Variants in SENP1 observed in about 807,000 individuals in gnomAD.
SENP1 encodes SUMO specific peptidase 1.
In SENP1, 21 loss-of-function variants were observed where a neutral mutation model predicts 93.0. The observed-to-expected ratio is 0.23, with a 90% confidence interval of 0.16 to 0.33. The LOEUF is 0.33. Ranked by LOEUF, SENP1 falls within the 10% of genes least tolerant of loss-of-function variation. The pLI is 1.00. For synonymous variants in SENP1, 256 were observed against 259.6 expected, an observed-to-expected ratio of 0.99 and a Z score of 0.13; for missense variants, 591 against 758.7, an observed-to-expected ratio of 0.78 and a Z score of 2.60.
intron 9 of SENP1, among the ~76,000 whole-genome samples, chr12:48,069,195 AG>A (rs1430514548): frequency 1.3e-5 from 2 of 151,360 alleles, no homozygotes; most frequent in Admixed American, 1.3e-4. Context: ...AAGAAAAGGA[AG>A]CAAAATAAGA....
At chr12:48,065,378 G>A (rs779663119) in intron 11 of SENP1, among the ~76,000 whole-genome samples, 158 bp from the exon 12 acceptor site, 3 of 152,056 alleles carry the variant, frequency 2.0e-5, no homozygotes, top group South Asian at 4.1e-4. Flanking sequence ...ATCATTAGTC[G>A]AACCATCACA....
chr12:48,075,782 G>A (rs1372228028), intron 6 of SENP1, among the ~76,000 whole-genome samples: 1 of 152,136 alleles, frequency 6.6e-6, no homozygotes, highest in African/African-American at 2.4e-5. Context: ...CAGGTAGTAT[G>A]CAGAAAATTA....
At chr12:48,105,513 T>C in intron 1 of SENP1, 1 of 519,022 alleles carries the variant, frequency 1.9e-6, no homozygotes, top group South Asian at 1.4e-5. Flanking sequence ...ATATCACATC[T>C]CAGGGAGATA....
rs142534776 is a variant in SENP1, at chr12:48,061,990, A to C, written c.1407+1720T>G. Among the ~76,000 whole-genome samples the C allele has an allele frequency of 1.2e-4, 18 of 152,278 alleles. No homozygotes were observed. The East Asian group carries it at 3.5e-3, about 29-fold the overall frequency. On this transcript the variant is annotated intron_variant, in intron 13 of 17. Coordinates refer to ENST00000549518, the MANE Select transcript of SENP1 (RefSeq NM_001267594.2). ...AGACAAAGAATCTTTCCTTCTTCTC[A>C]TCTCCTCTAAAATAATGTAATTTCC...
intron 5 of SENP1, chr12:48,085,224 T>C: frequency 6.5e-7 from 1 of 1,543,476 alleles, no homozygotes; most frequent in Non-Finnish European, 8.9e-7. Flanking sequence ...TTTCCGGCAA[T>C]TTCTAAACCG....
chr12:48,057,104 T>C (rs1206422197), intron 13 of SENP1, among the ~76,000 whole-genome samples: 5 of 91,602 alleles, frequency 5.5e-5, no homozygotes, highest in Non-Finnish European at 9.2e-5. Flanking sequence ...ATAAATATAT[T>C]ATTTAATATA....
intron 1 of SENP1, 51 bp downstream of exon 1, chr12:48,105,977 A>C (rs1029937235): frequency 1.9e-5 from 13 of 699,746 alleles, no homozygotes; most frequent in Non-Finnish European, 2.9e-5. Flanking sequence ...AGTCTCCTGG[A>C]CCAGGCTCCC....
At chr12:48,055,710 A>C (rs1264341425) in intron 13 of SENP1, 3 of 151,026 alleles carry the variant, frequency 2.0e-5, no homozygotes, top group Admixed American at 6.7e-5. Context: ...AGAAGGTAAA[A>C]TATCTCAATA....
chr12:48,083,230 C>T (rs1051078146), intron 6 of SENP1, among the ~76,000 whole-genome samples: 7 of 152,156 alleles, frequency 4.6e-5, no homozygotes, highest in African/African-American at 4.8e-5. Context: ...TCAAAAACTA[C>T]GGAGGAAGAG....
At chr12:48,101,915 G>A (rs1945960677) in intron 1 of SENP1, among the ~76,000 whole-genome samples, 1 of 152,136 alleles carries the variant, frequency 6.6e-6, no homozygotes, top group Non-Finnish European at 1.5e-5. Context: ...TCATAAACAA[G>A]TGACAGACTT....
chr12:48,099,475 G>A (rs1329700627), intron 2 of SENP1, among the ~76,000 whole-genome samples: 2 of 152,132 alleles, frequency 1.3e-5, no homozygotes, highest in East Asian at 3.8e-4. Flanking sequence ...AACACACACT[G>A]TTAACACTGG....
chr12:48,091,097 C>A (rs1945198038), intron 4 of SENP1, among the ~76,000 whole-genome samples: 1 of 152,158 alleles, frequency 6.6e-6, no homozygotes. Context: ...CTTTTCTACA[C>A]AAATTTTCTG....
intron 5 of SENP1, 112 bp downstream of exon 5, chr12:48,088,689 T>C: frequency 2.0e-6 from 2 of 1,017,844 alleles, no homozygotes; most frequent in African/African-American, 1.6e-5. Context: ...AGGTTTAAAG[T>C]CCAAAAATGG....
At chr12:48,080,150 T>C (rs1018480644) in intron 6 of SENP1, 1 of 152,328 alleles carries the variant, frequency 6.6e-6, no homozygotes, top group Non-Finnish European at 1.5e-5. Flanking sequence ...AACAGCATTA[T>C]CTAACAGAAA....
At chr12:48,095,409 G>A (rs562913209) in intron 4 of SENP1, among the ~76,000 whole-genome samples, 122 of 151,866 alleles carry the variant, frequency 8.0e-4, no homozygotes, top group Non-Finnish European at 1.4e-3. Context: ...GGTGGTGGGT[G>A]TCTGCAATCC....
intron 3 of SENP1, chr12:48,097,710 T>G (rs1303305846): frequency 4.8e-6 from 1 of 210,116 alleles, no homozygotes; most frequent in Non-Finnish European, 9.6e-6. Flanking sequence ...TAGGTGCTAG[T>G]TTAAAAGAAC....
chr12:48,081,642 C>G (rs1944500592), intron 6 of SENP1, among the ~76,000 whole-genome samples: 1 of 147,288 alleles, frequency 6.8e-6, no homozygotes, highest in South Asian at 2.2e-4. Flanking sequence ...ACAATCACAG[C>G]TGACCGTAGC....
intron 4 of SENP1, among the ~76,000 whole-genome samples, chr12:48,090,599 T>C (rs1009506034): frequency 6.6e-6 from 1 of 152,124 alleles, no homozygotes; most frequent in Non-Finnish European, 1.5e-5. Context: ...GATACTGTTT[T>C]TGTTTGTTTG....
rs1247419110 is a variant in SENP1 at position 48,088,100 on chromosome 12, G to A, written c.380+701C>T. Among the ~76,000 whole-genome samples the A allele has an allele frequency of 9.3e-5, 14 of 151,086 alleles. No individual in the cohort carries two copies. The East Asian group carries it at 2.1e-3, about 23-fold the overall frequency. ...ACGAGGTCACTCTGTCACCCAGGCT[G>A]GAGCTATAGCAGCATGATCTCAGCT... On this transcript the variant is annotated intron_variant, in intron 5 of 17. Coordinates refer to ENST00000549518, the MANE Select transcript of SENP1 (RefSeq NM_001267594.2).
Sources: allele counts gnomAD v4.1 joint callset (sites outside exome capture counted in the v4.1 genomes callset), GRCh38; gene constraint gnomAD v4.1.1; transcripts MANE v1.5; gene names NCBI Gene and HGNC (gene_info 2026-07-23, HGNC 2026-07-21).